DLG2: variants seen among roughly 807,000 people sequenced by gnomAD.
DLG2 encodes the protein disks large homolog 2.
In DLG2, 45 loss-of-function variants were observed where a neutral mutation model predicts 132.5. The observed-to-expected ratio is 0.34, with a 90% CI of 0.27 to 0.44. The LOEUF is 0.44. Ranked by LOEUF, DLG2 falls within the 20% of genes least tolerant of loss-of-function variation. The probability of loss-of-function intolerance (pLI) is 1.00; values close to 1 mark genes in which losing one functional copy is unlikely to be tolerated. For missense variants in DLG2, 1,045 were observed against 1,196.9 expected, an observed-to-expected ratio of 0.87 and a Z score of 1.87; for synonymous variants, 424 against 419.6, an observed-to-expected ratio of 1.01 and a Z score of -0.13.
chr11:85,223,257 C>T (rs1273860583), intron 4 of DLG2, among the ~76,000 whole-genome samples: 1 of 152,096 alleles, frequency 6.6e-6, no homozygotes, highest in Non-Finnish European at 1.5e-5. Context: ...GACGCACCTG[C>T]AATAGATTGG....
chr11:85,544,196 G>T (rs2076154252), intron 3 of DLG2, among the ~76,000 whole-genome samples: 1 of 152,142 alleles, frequency 6.6e-6, no homozygotes, highest in Admixed American at 6.5e-5. Context: ...TCCAGTTTCA[G>T]CTTTCTACAT....
chr11:85,432,600 G>A (rs773101589), intron 3 of DLG2, among the ~76,000 whole-genome samples: 3 of 151,846 alleles, frequency 2.0e-5, no homozygotes, highest in Non-Finnish European at 4.4e-5. Context: ...ATGGAATAAC[G>A]GAGGCAGGCA....
intron 11 of DLG2, among the ~76,000 whole-genome samples, chr11:83,991,725 T>A (rs115579489): frequency 6.6e-6 from 1 of 152,066 alleles, no homozygotes; most frequent in Non-Finnish European, 1.5e-5. Flanking sequence ...TTACAAACCA[T>A]CCTTAATCCC....
At chr11:84,672,337 G>T (rs1239652706) in intron 6 of DLG2, among the ~76,000 whole-genome samples, 1 of 152,016 alleles carries the variant, frequency 6.6e-6, no homozygotes, top group Non-Finnish European at 1.5e-5. Flanking sequence ...GAGAAGGTAG[G>T]GTACGTAGAA....
chr11:84,070,950 C>T (rs1160562813), intron 10 of DLG2, among the ~76,000 whole-genome samples: 2 of 152,216 alleles, frequency 1.3e-5, no homozygotes, highest in Admixed American at 6.5e-5. Context: ...CCCTTTACTT[C>T]ACTTTTAATT....
intron 6 of DLG2, among the ~76,000 whole-genome samples, chr11:84,825,601 C>T (rs1431838993): frequency 6.6e-6 from 1 of 151,860 alleles, no homozygotes; most frequent in Non-Finnish European, 1.5e-5. Context: ...ATTTCAGACT[C>T]CTATAATTAC....
intron 3 of DLG2, among the ~76,000 whole-genome samples, chr11:85,506,126 C>T (rs2093927229): frequency 6.6e-6 from 1 of 152,050 alleles, no homozygotes; most frequent in Non-Finnish European, 1.5e-5. Context: ...CTTTATTAGT[C>T]TGGCTAGTGG....
At chr11:83,512,848 C>T (rs1461691457) in intron 21 of DLG2, among the ~76,000 whole-genome samples, 1 of 152,160 alleles carries the variant, frequency 6.6e-6, no homozygotes, top group Admixed American at 6.5e-5. Context: ...CATGTCCCTA[C>T]AAAGGACATG....
intron 8 of DLG2, among the ~76,000 whole-genome samples, chr11:84,165,383 C>T (rs2095638551): frequency 1.3e-5 from 2 of 152,178 alleles, no homozygotes; most frequent in South Asian, 2.1e-4. Context: ...TTCTAGGATC[C>T]TAAATGCTGA....
At chr11:84,668,628 A>G (rs724921) in intron 6 of DLG2, among the ~76,000 whole-genome samples, 70,771 of 151,912 alleles carry the variant, frequency 0.47, 17,414 homozygotes, top group East Asian at 0.66. Context: ...GAAAAAACAC[A>G]AACACTTTCA....
intron 6 of DLG2, among the ~76,000 whole-genome samples, chr11:84,783,892 C>T (rs1226072226): frequency 6.6e-6 from 1 of 151,958 alleles, no homozygotes; most frequent in Non-Finnish European, 1.5e-5. Context: ...CATATAAAAT[C>T]TGCTTAGGTA....
chr11:83,603,168 A>T (rs1190838027), intron 19 of DLG2, among the ~76,000 whole-genome samples: 1 of 152,142 alleles, frequency 6.6e-6, no homozygotes, highest in Non-Finnish European at 1.5e-5. Flanking sequence ...ACAATTTTTT[A>T]AAAATAAAAT....
At chr11:84,671,004 T>C (rs902637921) in intron 6 of DLG2, among the ~76,000 whole-genome samples, 3 of 152,142 alleles carry the variant, frequency 2.0e-5, no homozygotes, top group African/African-American at 7.2e-5. Flanking sequence ...TTTAAAAACA[T>C]AGTGCATACC....
chr11:84,375,319 T>C (rs1380218620), intron 7 of DLG2, among the ~76,000 whole-genome samples: 3 of 152,168 alleles, frequency 2.0e-5, no homozygotes, highest in Non-Finnish European at 4.4e-5. Flanking sequence ...AGTGAATGAA[T>C]GCATGAATTA....
intron 2 of DLG2, among the ~76,000 whole-genome samples, chr11:85,607,340 G>T (rs1001022522): frequency 1.3e-5 from 2 of 152,154 alleles, no homozygotes; most frequent in Non-Finnish European, 2.9e-5. Flanking sequence ...GCCAAGGGTC[G>T]ACAGAGGGGA....
At chr11:84,564,724 G>A (rs1183575039) in intron 6 of DLG2, among the ~76,000 whole-genome samples, 1 of 152,128 alleles carries the variant, frequency 6.6e-6, no homozygotes, top group African/African-American at 2.4e-5. Flanking sequence ...TATTACCTAA[G>A]GTGTCTCCTA....
At chr11:84,133,491 T>A (rs1304183039) in intron 9 of DLG2, among the ~76,000 whole-genome samples, 2 of 152,002 alleles carry the variant, frequency 1.3e-5, no homozygotes, top group Non-Finnish European at 1.5e-5. Context: ...TAGGTTAGAG[T>A]TGGTTCCAAA....
intron 6 of DLG2, among the ~76,000 whole-genome samples, chr11:84,765,480 C>T (rs1318650123): frequency 1.3e-5 from 2 of 152,084 alleles, no homozygotes; most frequent in Non-Finnish European, 2.9e-5. Context: ...ACTGCCTTCT[C>T]AAAATCCTGG....
chr11:84,789,958 TACC>T (rs1349629456), intron 6 of DLG2, among the ~76,000 whole-genome samples: 1 of 152,210 alleles, frequency 6.6e-6, no homozygotes, highest in Non-Finnish European at 1.5e-5. Flanking sequence ...TGTGTATATG[TACC>T]ACATTTTCTT....
Sources: allele counts gnomAD v4.1 joint callset (sites outside exome capture counted in the v4.1 genomes callset), GRCh38; gene constraint gnomAD v4.1.1; transcripts MANE v1.5; gene names NCBI Gene and HGNC (gene_info 2026-07-23, HGNC 2026-07-21).